Variants in ALPK2 observed in about 807,000 individuals in gnomAD.
ALPK2 encodes alpha kinase 2, also known as alpha-protein kinase 2.
ALPK2 carries 127 observed loss-of-function variants against 163.1 expected under a neutral mutation model. The observed-to-expected ratio is 0.78, with a 90% CI of 0.67 to 0.90. The LOEUF (loss-of-function observed/expected upper bound fraction) is 0.90, where lower values mean the gene tolerates loss of function less well. Ranked by LOEUF, ALPK2 falls within the 40% of genes least tolerant of loss-of-function variation. The pLI is 0.00. For synonymous variants in ALPK2, 953 were observed against 959.1 expected (o/e 0.99, Z 0.12); for missense variants, 2,360 against 2,589.6 (o/e 0.91, Z 1.92).
chr18:58,565,214 A>G (rs1238723342), intron 4 of ALPK2, among the ~76,000 whole-genome samples: 1 of 152,248 alleles, frequency 6.6e-6, no homozygotes, highest in African/African-American at 2.4e-5. Flanking sequence ...TACAACACAC[A>G]TGATGTCACA....
At chr18:58,610,275 CAA>C (rs74183283) in intron 2 of ALPK2, among the ~76,000 whole-genome samples, 11 of 61,892 alleles carry the variant, frequency 1.8e-4, no homozygotes, top group African/African-American at 4.5e-4. Flanking sequence ...GACCCTGTCT[CAA>C]AAAAAAAAAA....
intron 8 of ALPK2, among the ~76,000 whole-genome samples, chr18:58,521,949 C>T (rs565453010): frequency 1.3e-5 from 2 of 152,102 alleles, no homozygotes; most frequent in South Asian, 2.1e-4. Flanking sequence ...ATTTCTAAGT[C>T]GAGATCTCAG....
intron 4 of ALPK2, among the ~76,000 whole-genome samples, chr18:58,571,653 T>C (rs2051886495): frequency 6.6e-6 from 1 of 151,946 alleles, no homozygotes. Context: ...CTCATCAATA[T>C]GAAAAGTTTT....
intron 4 of ALPK2, among the ~76,000 whole-genome samples, chr18:58,575,558 C>CT (rs2051916271): frequency 1.3e-5 from 2 of 152,188 alleles, no homozygotes; most frequent in African/African-American, 4.8e-5. Context: ...CGCAGCACTT[C>CT]TGATTTAAGG....
chr18:58,523,671 C>T, intron 8 of ALPK2, 135 bp downstream of exon 8: 1 of 1,088,478 alleles, frequency 9.2e-7, no homozygotes, highest in Admixed American at 2.1e-5. Context: ...GCATTCATTT[C>T]TTAAGTCACG....
intron 4 of ALPK2, among the ~76,000 whole-genome samples, chr18:58,564,223 A>G (rs1051114908): frequency 2.8e-5 from 4 of 144,404 alleles, no homozygotes; most frequent in Non-Finnish European, 4.5e-5. Flanking sequence ...CCCTGGTTCA[A>G]GCGATTCTCC....
chr18:58,486,689 C>G (rs938699796), intron 12 of ALPK2, among the ~76,000 whole-genome samples: 2 of 152,170 alleles, frequency 1.3e-5, no homozygotes, highest in African/African-American at 4.8e-5. Context: ...TCTTTGCTAC[C>G]TAGCATTTAC....
chr18:58,598,704 A>C (rs1248629470), intron 3 of ALPK2, among the ~76,000 whole-genome samples: 1 of 152,194 alleles, frequency 6.6e-6, no homozygotes, highest in African/African-American at 2.4e-5. Context: ...TCCCCTTGTC[A>C]GGTAATTTCT....
intron 1 of ALPK2, 116 bp from the exon 2 acceptor site, chr18:58,611,933 G>A (rs1157966619): frequency 3.2e-6 from 2 of 630,244 alleles, no homozygotes; most frequent in Non-Finnish European, 5.3e-6. Context: ...GCTGGAGGGT[G>A]GGCAGACTGA....
Position 58,503,974 on chromosome 18 carries a change from C to T in ALPK2, c.6204G>A (p.Val2068=), listed in dbSNP as rs761498507. The T allele has an allele frequency of 1.9e-6, 3 of 1,614,184 alleles. No individual in the cohort carries two copies. The highest frequency in any genetic ancestry group is 2.5e-6 in the Non-Finnish European group (3 of 1,180,028). Reference sequence around the variant, plus strand: ...GGAGGCAGCCACTTGTTTTCTGGTACACCCAGTGCTGGAAGGTGCAACATT... The same window carrying T: ...GGAGGCAGCCACTTGTTTTCTGGTATACCCAGTGCTGGAAGGTGCAACATT... ...GQKCCTFQHW[V]YQKTSGCLLV... is the part of the protein sequence containing the mutation. Residue 2068 remains valine, a synonymous_variant, in exon 11 of 13, where the codon GTG becomes GTA. Transcript: ENST00000361673.
Position 58,514,908 on chromosome 18 carries a change from G to T in ALPK2, c.6029+85C>A, listed in dbSNP as rs1053859063. ...GACTGAGAGATCAGCTGAAACACTT[G>T]CCCTACTGTTCCTTCTCACTCTCTC... On this transcript the variant is annotated intron_variant, in intron 10 of 12. Transcript: ENST00000361673. 8.2e-6 allele frequency: 8 copies of T among 973,804 alleles called. No individual in the cohort carries two copies. The Admixed American group carries it at 1.2e-4, about 14-fold the overall frequency. 60.3% of individuals were successfully genotyped at this position (973,804 alleles called of 1,614,324 possible). A position where few individuals can be genotyped will look rare whatever the true frequency, so the allele number is the denominator to read the frequency against.
intron 4 of ALPK2, among the ~76,000 whole-genome samples, chr18:58,567,485 G>C (rs552522140): frequency 8.9e-4 from 136 of 152,206 alleles, no homozygotes; most frequent in Non-Finnish European, 1.7e-3. Flanking sequence ...AATGCAAATA[G>C]TCCAGGCCCT....
At position 58,537,849 on chromosome 18, in the gene ALPK2, C is replaced by T; in HGVS notation, c.2338G>A (p.Glu780Lys). 6.2e-7 allele frequency: 1 copy of T among 1,614,142 alleles called. No homozygotes were observed. Among genetic ancestry groups the T allele is most frequent in the Non-Finnish European group, 8.5e-7 (1 of 1,180,022 alleles). Residue 780 changes from glutamate to lysine, a missense_variant, in exon 5 of 13, where the codon GAA (glutamate) becomes AAA (lysine). Transcript: ENST00000361673. ...EPVAVSVASP[E>K]PTDTALTLEN... ...AGGGTGAGGGCAGTATCTGTGGGTT[C>T]AGGGGAAGCAACAGAGACAGCCACA...
intron 12 of ALPK2, among the ~76,000 whole-genome samples, chr18:58,491,806 T>TG (rs1568064780): frequency 6.6e-6 from 1 of 152,168 alleles, no homozygotes; most frequent in Non-Finnish European, 1.5e-5. Context: ...GGAGAACTTG[T>TG]GGGGCGGTTA....
chr18:58,523,016 A>C (rs2051563572), intron 8 of ALPK2, among the ~76,000 whole-genome samples: 1 of 144,230 alleles, frequency 6.9e-6, no homozygotes, highest in African/African-American at 2.6e-5. Flanking sequence ...GCACCCATTA[A>C]CTCGTCATTT....
chr18:58,539,019 C>G (rs540609344), intron 4 of ALPK2, among the ~76,000 whole-genome samples: 2 of 152,058 alleles, frequency 1.3e-5, no homozygotes, highest in South Asian at 4.2e-4. Context: ...GTTGAACTTT[C>G]TAGCCACCAG....
In ALPK2 at chr18:58,536,156, T is replaced by C; in HGVS notation, c.4031A>G (p.Asp1344Gly). 6.2e-7 allele frequency: 1 copy of C among 1,614,036 alleles called. No individual in the cohort carries two copies. The highest frequency in any genetic ancestry group is 8.5e-7 in the Non-Finnish European group (1 of 1,179,996). ...SQPRLLESSV[D>G]PVDEKELSVT... ...AGATAACTCCTTTTCATCTACAGGG[T>C]CCACGGATGACTCCAGGAGTCTGGG... Residue 1344 changes from aspartate (D) to glycine (G), a missense_variant, in exon 5 of 13, where the codon GAC (aspartate) becomes GGC (glycine). Asp to Gly is a moderately conservative substitution (Grantham distance 94). Transcript: ENST00000361673.
chr18:58,599,372 C>A (rs965882606), intron 3 of ALPK2, among the ~76,000 whole-genome samples: 1 of 152,190 alleles, frequency 6.6e-6, no homozygotes, highest in East Asian at 1.9e-4. Context: ...GCCACGGGAA[C>A]CTGCCTCAGC....
intron 1 of ALPK2, among the ~76,000 whole-genome samples, chr18:58,624,463 T>C (rs545405120): frequency 4.6e-5 from 7 of 151,940 alleles, no homozygotes; most frequent in African/African-American, 1.4e-4. Flanking sequence ...TTTTTTTTTT[T>C]TTCTTTTTGA....
Sources: gnomAD v4.1 joint callset for allele counts (sites outside exome capture counted in the v4.1 genomes callset) on GRCh38, gnomAD v4.1.1 for gene constraint, MANE v1.5 for transcripts, NCBI Gene and HGNC (gene_info 2026-07-23, HGNC 2026-07-21) for gene names.